The following ARVCF variants were observed in gnomAD, a reference collection of about 807,000 sequenced individuals.
ARVCF encodes splicing regulator ARVCF.
A neutral mutation model predicts 90.9 loss-of-function variants in ARVCF; 66 were observed. That is an observed-to-expected ratio of 0.73 (90% CI 0.60 to 0.89). ARVCF has a LOEUF of 0.89. ARVCF is among the 40% of genes least tolerant of loss of function. The pLI, the probability that ARVCF is intolerant of heterozygous loss-of-function variation, is 0.00. For synonymous variants in ARVCF, 653 were observed against 603.4 expected (o/e 1.08, Z -1.21); for missense variants, 1,469 against 1,382.3 (o/e 1.06, Z -1.00).
At chr22:20,006,542 G>T (rs1368202181) in intron 2 of ARVCF, among the ~76,000 whole-genome samples, 1 of 144,060 alleles carries the variant, frequency 6.9e-6, no homozygotes, top group Admixed American at 6.9e-5. Flanking sequence ...TCGCGCCACT[G>T]CACTCCAGCC....
At chr22:19,974,265 C>T (rs755976851) in intron 11 of ARVCF, 26 bp from the exon 12 acceptor site, 4 of 1,582,056 alleles carry the variant, frequency 2.5e-6, no homozygotes, top group East Asian at 2.3e-5. Context: ...CCGCCACCCA[C>T]GGTCACCCAG....
intron 2 of ARVCF, among the ~76,000 whole-genome samples, chr22:19,992,946 A>T (rs938135745): frequency 1.3e-5 from 2 of 152,194 alleles, no homozygotes; most frequent in African/African-American, 4.8e-5. Flanking sequence ...CACAGTGGGA[A>T]GGTGACCAAA....
intron 3 of ARVCF, among the ~76,000 whole-genome samples, chr22:19,985,165 C>T (rs759451661): frequency 2.6e-5 from 4 of 152,202 alleles, no homozygotes; most frequent in Non-Finnish European, 4.4e-5. Context: ...GAACACCCCA[C>T]CTCCAGCCCA....
intron 2 of ARVCF, among the ~76,000 whole-genome samples, chr22:20,006,373 C>A (rs542354390): frequency 4.6e-5 from 7 of 151,772 alleles, no homozygotes; most frequent in African/African-American, 1.4e-4. Flanking sequence ...GTCAGGAGAT[C>A]GAGACCATCC....
At chr22:19,995,840 C>G (rs1944231243) in intron 2 of ARVCF, among the ~76,000 whole-genome samples, 1 of 152,120 alleles carries the variant, frequency 6.6e-6, no homozygotes, top group Admixed American at 6.5e-5. Context: ...CCTCCCATAC[C>G]CCCTTTCCCC....
At chr22:19,975,431 C>G (rs1943098523) in intron 11 of ARVCF, among the ~76,000 whole-genome samples, 1 of 152,212 alleles carries the variant, frequency 6.6e-6, no homozygotes. Context: ...TGAGGCCGAG[C>G]AAGCCCTCGG....
In ARVCF at chr22:19,978,059, C is replaced by T. The variant is rs775694985; in HGVS notation, c.1597G>A (p.Gly533Ser). The change falls in exon 8 of 20, where the codon GGT becomes AGT. Residue 533 changes from glycine (G) to serine (S), a missense_variant. Coordinates refer to ENST00000263207, the MANE Select transcript of ARVCF (RefSeq NM_001670.3). Reference sequence around the variant, plus strand: ...CGGAGTCGCCGCCGGGCCTCAGCACCATCGGAGCTCACATTCCTGTGTGGC... The same window carrying T: ...CGGAGTCGCCGCCGGGCCTCAGCACTATCGGAGCTCACATTCCTGTGTGGC... ...SGCLRNVSSDGAEARRRLREC... is the reference protein window; with the variant it reads ...SGCLRNVSSDSAEARRRLREC... 4.8e-5 allele frequency: 77 copies of T among 1,608,404 alleles called. 1 individual carries two copies. Among genetic ancestry groups the T allele is most frequent in the Non-Finnish European group, 6.4e-5 (75 of 1,177,804 alleles).
At chr22:20,009,027 T>C (rs1466353471) in intron 2 of ARVCF, among the ~76,000 whole-genome samples, 1 of 152,158 alleles carries the variant, frequency 6.6e-6, no homozygotes, top group Non-Finnish European at 1.5e-5. Context: ...ACCACCCTCC[T>C]GCGGACCCTG....
chr22:20,015,629 C>CG, intron 1 of ARVCF, among the ~76,000 whole-genome samples: 1 of 152,174 alleles, frequency 6.6e-6, no homozygotes, highest in South Asian at 2.1e-4. Flanking sequence ...AAGCTAAGGT[C>CG]GGGAGAGGTG....
Position 19,973,269 on chromosome 22 carries a change from G to A in ARVCF, c.2288C>T (p.Ala763Val), listed in dbSNP as rs750674229. Reference sequence around the variant, plus strand: ...CAGGCAGGCCCCCGGTCGCGGCGGAGCCTGTGCATTGCGCACATTCCGCAC... The same window carrying A: ...CAGGCAGGCCCCCGGTCGCGGCGGAACCTGTGCATTGCGCACATTCCGCAC... ...ELVRNVRNAQAPPRPGACLEE... is the reference protein window; with the variant it reads ...ELVRNVRNAQVPPRPGACLEE... The change falls in exon 14 of 20, where the codon GCT becomes GTT. Residue 763 changes from alanine to valine, a missense_variant. Physicochemically the swap from Ala to Val is moderately conservative, Grantham distance 64 (BLOSUM62 0). Coordinates refer to ENST00000263207, the MANE Select transcript of ARVCF (RefSeq NM_001670.3). 1 of 1,608,478 alleles carries A rather than the reference G, an allele frequency of 6.2e-7. No homozygotes were observed. The highest frequency in any genetic ancestry group is 1.1e-5 in the South Asian group (1 of 90,396).
chr22:19,980,950 C>G (rs1442496170), intron 5 of ARVCF: 1 of 471,908 alleles, frequency 2.1e-6, no homozygotes, highest in East Asian at 3.4e-5. Context: ...TCTGGTTACC[C>G]AGAGTGTGGC....
Position 19,977,428 on chromosome 22 carries a change from G to A in ARVCF, c.1857C>T (p.Gly619=), listed in dbSNP as rs760676391. ...RRRDDASCFG[G]KKAKEEWFHQ... The stretch of plus-strand genomic sequence containing the variant: ...CGCCCCACCCACCTTTGGCCTTCTT[G>A]CCTCCAAAGCAGCTGGCATCATCCC... The change falls in exon 9 of 20, where the codon GGC becomes GGT. Residue 619 remains glycine (G), a synonymous_variant. Transcript: ENST00000263207. 15 of 1,531,292 alleles carry A rather than the reference G, an allele frequency of 9.8e-6. No homozygotes were observed. The highest frequency in any genetic ancestry group is 8.8e-5 in the South Asian group (7 of 79,556). The allele number at this position is 1,531,292 out of a possible 1,614,324, so 94.9% of individuals were successfully genotyped here. A position where few individuals can be genotyped will look rare whatever the true frequency, so the allele number is the denominator to read the frequency against.
chr22:19,992,842 T>G (rs139135510), intron 2 of ARVCF, among the ~76,000 whole-genome samples: 156 of 152,264 alleles, frequency 1.0e-3, no homozygotes, highest in African/African-American at 3.5e-3. Context: ...TTCCCTGACC[T>G]AAGCCCCTCC....
downstream of ARVCF, chr22:19,968,522 C>CG (rs1569138168): frequency 6.8e-6 from 11 of 1,612,606 alleles, no homozygotes; most frequent in East Asian, 2.2e-5. Flanking sequence ...CCCCACCCCC[C>CG]GGTCTGTTTG....
At chr22:19,995,608 C>A (rs1381392294) in intron 2 of ARVCF, among the ~76,000 whole-genome samples, 1 of 152,186 alleles carries the variant, frequency 6.6e-6, no homozygotes, top group Non-Finnish European at 1.5e-5. Flanking sequence ...CATTCCTCCT[C>A]GGGAGTGCGG....
At chr22:19,990,870 T>G in intron 2 of ARVCF, 58 bp from the exon 3 acceptor site, 1 of 1,502,252 alleles carries the variant, frequency 6.7e-7, no homozygotes, top group African/African-American at 1.4e-5. Context: ...AAGGCCATCA[T>G]GGGCCCCTGC....
At chr22:20,003,518 A>G (rs1569191037) in intron 2 of ARVCF, among the ~76,000 whole-genome samples, 1 of 152,232 alleles carries the variant, frequency 6.6e-6, no homozygotes, top group East Asian at 1.9e-4. Context: ...TTTTACAAGA[A>G]TTATAAACCT....
downstream of ARVCF, chr22:19,967,175 T>A (rs202238633): frequency 1.5e-4 from 202 of 1,304,696 alleles, no homozygotes; most frequent in Non-Finnish European, 1.9e-4. Context: ...TGCAGTGGTC[T>A]GGTGTCTTTC....
rs1942979277 is a variant in ARVCF, at chr22:19,973,692, G to A, written c.2190C>T (p.Ala730=). The A allele has an allele frequency of 6.2e-7, 1 of 1,610,322 alleles. No homozygotes were observed. The highest frequency in any genetic ancestry group is 8.5e-7 in the Non-Finnish European group (1 of 1,179,882). ...CCAGCGAGAGGTTGCGCAGAGCGAT[G>A]GCGACGGCGCGCACCACCTTGTCGG... The part of the protein sequence containing the change: ...SETDKVVRAV[A]IALRNLSLDR... The change falls in exon 13 of 20, where the codon GCC becomes GCT. Residue 730 remains alanine (A), a synonymous_variant. Transcript: ENST00000263207.
Sources: allele counts gnomAD v4.1 joint callset (sites outside exome capture counted in the v4.1 genomes callset), GRCh38; gene constraint gnomAD v4.1.1; transcripts MANE v1.5; gene names NCBI Gene and HGNC (gene_info 2026-07-23, HGNC 2026-07-21).